The following LPIN2 variants were observed in gnomAD, a reference collection of about 807,000 sequenced individuals.
LPIN2 encodes lipin 2.
In LPIN2, 55 loss-of-function variants were observed where a neutral mutation model predicts 111.4. The ratio of observed to expected loss-of-function variants is 0.49; its 90% CI spans 0.40 to 0.62. The LOEUF is 0.62. Among genes scored for constraint, LPIN2 ranks in the 20% least tolerant of loss-of-function variants. The pLI, the probability that LPIN2 is intolerant of heterozygous loss-of-function variation, is 0.00. For synonymous variants in LPIN2, 425 were observed against 414.0 expected, an observed-to-expected ratio of 1.03 and a Z score of -0.32; for missense variants, 992 against 1,112.1, an observed-to-expected ratio of 0.89 and a Z score of 1.54.
intron 1 of LPIN2, among the ~76,000 whole-genome samples, chr18:2,991,272 T>C (rs1226113507): frequency 6.6e-6 from 1 of 152,186 alleles, no homozygotes; most frequent in Non-Finnish European, 1.5e-5. Flanking sequence ...TTATCTATAT[T>C]GTGAAATATG....
At chr18:2,961,359 G>T (rs1217538774) in intron 1 of LPIN2, among the ~76,000 whole-genome samples, 3 of 152,174 alleles carry the variant, frequency 2.0e-5, no homozygotes, top group Non-Finnish European at 2.9e-5. Context: ...ATTATTACCA[G>T]AATAGTATGG....
At chr18:3,005,505 C>G (rs970223031) in intron 1 of LPIN2, among the ~76,000 whole-genome samples, 2 of 151,922 alleles carry the variant, frequency 1.3e-5, no homozygotes, top group African/African-American at 4.8e-5. Context: ...ATAGCAAGAC[C>G]CTTATGTCTA....
intron 1 of LPIN2, among the ~76,000 whole-genome samples, chr18:2,994,798 GC>G (rs1358363417): frequency 6.6e-6 from 1 of 152,148 alleles, no homozygotes; most frequent in African/African-American, 2.4e-5. Flanking sequence ...GTCCCCGGCG[GC>G]GGGTGGGGGC....
intron 1 of LPIN2, among the ~76,000 whole-genome samples, chr18:2,986,750 C>T (rs760870763): frequency 6.6e-6 from 1 of 152,140 alleles, no homozygotes; most frequent in Non-Finnish European, 1.5e-5. Flanking sequence ...TATTTGGAGA[C>T]AAGAGAGACA....
intron 2 of LPIN2, among the ~76,000 whole-genome samples, chr18:2,956,784 A>T (rs2077622857): frequency 6.6e-6 from 1 of 152,236 alleles, no homozygotes; most frequent in South Asian, 2.1e-4. Flanking sequence ...ACTTTTAGAG[A>T]TCAAGTATGA....
intron 4 of LPIN2, 142 bp from the exon 5 acceptor site, chr18:2,940,854 G>GTTCT (rs1402368578): frequency 1.5e-6 from 1 of 672,074 alleles, no homozygotes; most frequent in Non-Finnish European, 2.7e-6. Flanking sequence ...ATATGAAGGA[G>GTTCT]AAGGGGGGAT....
At chr18:2,945,708 T>C in intron 4 of LPIN2, 1 of 1,276,644 alleles carries the variant, frequency 7.8e-7, no homozygotes, top group Non-Finnish European at 1.1e-6. Flanking sequence ...TAATTTCACA[T>C]TTTGATCAAA....
At chr18:2,941,138 A>C (rs147475930) in intron 4 of LPIN2, among the ~76,000 whole-genome samples, 1 of 152,332 alleles carries the variant, frequency 6.6e-6, no homozygotes, top group East Asian at 1.9e-4. Flanking sequence ...AAAACAAGTA[A>C]GCCCTTATTC....
At chr18:2,923,223 C>A (rs1184192601) in intron 16 of LPIN2, among the ~76,000 whole-genome samples, 1 of 151,992 alleles carries the variant, frequency 6.6e-6, no homozygotes, top group Non-Finnish European at 1.5e-5. Flanking sequence ...GAGTTCAAGA[C>A]CAGCCTGACC....
At chr18:2,971,951 A>G (rs2077922830) in intron 1 of LPIN2, among the ~76,000 whole-genome samples, 1 of 151,978 alleles carries the variant, frequency 6.6e-6, no homozygotes, top group Admixed American at 6.6e-5. Flanking sequence ...GGAGGCCGAG[A>G]CACGAGAATC....
At chr18:2,928,970 T>C (rs2077175012) in intron 10 of LPIN2, 95 bp downstream of exon 10, 2 of 859,754 alleles carry the variant, frequency 2.3e-6, no homozygotes. Context: ...TGACAAGTTT[T>C]ATAAGAAGGA....
At chr18:2,924,944 A>G (rs1214465086) in intron 14 of LPIN2, among the ~76,000 whole-genome samples, 1 of 152,252 alleles carries the variant, frequency 6.6e-6, no homozygotes, top group African/African-American at 2.4e-5. Context: ...CCTAAGAGAC[A>G]GTACCTGGCT....
chr18:3,004,735 T>A (rs1200303032), intron 1 of LPIN2, among the ~76,000 whole-genome samples: 1 of 152,204 alleles, frequency 6.6e-6, no homozygotes, highest in East Asian at 1.9e-4. Context: ...CCTATCAGGA[T>A]GAGCCCGAGA....
Position 2,951,202 on chromosome 18 carries a change from G to A in LPIN2, c.443C>T (p.Thr148Ile), listed in dbSNP as rs2077531371. The A allele has an allele frequency of 1.9e-6, 3 of 1,614,080 alleles. No homozygotes were observed. The South Asian group carries it at 3.3e-5, about 18-fold the overall frequency. Residue 148 changes from threonine (T) to isoleucine (I), a missense_variant, in exon 4 of 20, where the codon ACT (threonine) becomes ATT (isoleucine). This residue lies in a region of LPIN2 where 709 missense variants were observed against 753.2 expected (regional missense o/e 0.94). Coordinates refer to ENST00000677752, the MANE Select transcript of LPIN2 (RefSeq NM_001375808.2). Reference sequence around the variant, plus strand: ...TTTTTTCTTTTTCACAGAACTTGGAGTAAAAATTGTCTCTGTTTCCAAGAC... The same window carrying A: ...TTTTTTCTTTTTCACAGAACTTGGAATAAAAATTGTCTCTGTTTCCAAGAC... ...SHVLETETIFTPSSVKKKKRR... is the reference protein window; with the variant it reads ...SHVLETETIFIPSSVKKKKRR...
intron 10 of LPIN2, among the ~76,000 whole-genome samples, 158 bp downstream of exon 10, chr18:2,928,907 T>C (rs2077174279): frequency 6.6e-6 from 1 of 152,182 alleles, no homozygotes; most frequent in Admixed American, 6.5e-5. Context: ...AAAATAAAAT[T>C]GAAGCTTTAC....
Position 2,925,540 on chromosome 18 carries a change from ATTG to A in LPIN2, c.1794-175_1794-173del, listed in dbSNP as rs1373924092. ...AGCTCTGTACGCCTGAAATATTCAT[ATTG>A]TTAACTGATAAGGCCACTTTCATAA... On this transcript the variant is annotated intron_variant, in intron 13 of 19. Transcript: ENST00000677752. The surrounding 1 kb of genome is among the most constrained non-coding windows in gnomAD (Gnocchi z 4.1). 6.6e-6 allele frequency among the ~76,000 whole-genome samples: 1 copy of A among 152,156 alleles called. No individual in the cohort carries two copies. The highest frequency in any genetic ancestry group is 6.5e-5 in the Admixed American group (1 of 15,286).
chr18:2,981,702 A>G (rs1205306279), intron 1 of LPIN2, among the ~76,000 whole-genome samples: 1 of 152,214 alleles, frequency 6.6e-6, no homozygotes, highest in African/African-American at 2.4e-5. Flanking sequence ...TGACTCTTCC[A>G]TTCATATTCA....
At chr18:2,957,646 C>T (rs1179157893) in intron 2 of LPIN2, among the ~76,000 whole-genome samples, 1 of 152,136 alleles carries the variant, frequency 6.6e-6, no homozygotes, top group Admixed American at 6.5e-5. Flanking sequence ...GAAGCTCTCT[C>T]TCCACTGGGA....
intron 1 of LPIN2, among the ~76,000 whole-genome samples, chr18:3,005,534 G>A (rs184091091): frequency 1.7e-4 from 26 of 151,984 alleles, no homozygotes; most frequent in South Asian, 1.0e-3. Context: ...AAAATTAACC[G>A]GGGATGGTGG....
Sources: gnomAD v4.1 joint callset for allele counts (sites outside exome capture counted in the v4.1 genomes callset) on GRCh38, gnomAD v4.1.1 for gene constraint, gnomAD v4.1.1 regional missense constraint, Gnocchi (gnomAD v3.1) non-coding constraint, MANE v1.5 for transcripts, NCBI Gene and HGNC (gene_info 2026-07-23, HGNC 2026-07-21) for gene names.